The following DAB1 variants were observed in gnomAD, a reference collection of about 807,000 sequenced individuals.
DAB1 encodes DAB adaptor protein 1, also known as disabled homolog 1.
Under a neutral mutation model 64.6 loss-of-function variants are expected in DAB1, and 15 were observed. The ratio of observed to expected loss-of-function variants is 0.23; its 90% CI spans 0.16 to 0.36. The LOEUF is 0.36. Among genes scored for constraint, DAB1 ranks in the 10% least tolerant of loss-of-function variants. DAB1 has a pLI of 1.00. For synonymous variants in DAB1, 235 were observed against 251.9 expected (o/e 0.93, Z 0.64); for missense variants, 596 against 706.7 (o/e 0.84, Z 1.78).
chr1:58,524,083 T>C (rs893760991), intron 2 of DAB1, among the ~76,000 whole-genome samples: 1 of 152,214 alleles, frequency 6.6e-6, no homozygotes, highest in African/African-American at 2.4e-5. Flanking sequence ...TTACCAGCTT[T>C]ATAGATAAGG....
At chr1:58,176,666 T>C (rs1456871512) in intron 4 of DAB1, among the ~76,000 whole-genome samples, 1 of 152,134 alleles carries the variant, frequency 6.6e-6, no homozygotes, top group Admixed American at 6.5e-5. Context: ...AGAACTCTCA[T>C]GGGCTAATCA....
At chr1:57,116,358 A>G (rs914107769) in intron 4 of DAB1, among the ~76,000 whole-genome samples, 2 of 148,622 alleles carry the variant, frequency 1.3e-5, no homozygotes, top group African/African-American at 5.0e-5. Context: ...GCTACTCAGC[A>G]GGCTGAGGCA....
At chr1:57,234,497 T>G (rs59481431) in intron 2 of DAB1, among the ~76,000 whole-genome samples, 2,289 of 152,326 alleles carry the variant, frequency 0.015, 61 homozygotes, top group African/African-American at 0.052. Context: ...TTTTAATTTT[T>G]TCCATAAAAT....
intron 7 of DAB1, among the ~76,000 whole-genome samples, chr1:57,552,576 A>G (rs763773360): frequency 2.2e-4 from 33 of 152,362 alleles, no homozygotes; most frequent in Non-Finnish European, 3.8e-4. Flanking sequence ...CAGGGATCGC[A>G]TCCTAGGCAC....
intron 4 of DAB1, among the ~76,000 whole-genome samples, chr1:57,098,112 T>C (rs1166977382): frequency 1.3e-5 from 2 of 152,178 alleles, no homozygotes; most frequent in African/African-American, 4.8e-5. Context: ...CTGTTGAGTG[T>C]GACTTCACAG....
At chr1:57,887,017 T>C (rs1184360423), upstream of DAB1, among the ~76,000 whole-genome samples, 1 of 152,054 alleles carries the variant, frequency 6.6e-6, no homozygotes, top group Non-Finnish European at 1.5e-5. Flanking sequence ...CTTCATTTTC[T>C]TTTTTTTATC....
At chr1:58,172,760 C>A (rs1656247299) in intron 4 of DAB1, among the ~76,000 whole-genome samples, 1 of 152,202 alleles carries the variant, frequency 6.6e-6, no homozygotes, top group African/African-American at 2.4e-5. Flanking sequence ...TGAAAGTAAG[C>A]CTCTTCCCCC....
At chr1:57,795,731 A>ATG in intron 6 of DAB1, among the ~76,000 whole-genome samples, 1 of 113,014 alleles carries the variant, frequency 8.8e-6, no homozygotes, top group Non-Finnish European at 1.8e-5. Context: ...ATATATATAT[A>ATG]TATCATACAC....
chr1:57,215,649 T>C (rs1165673618), intron 2 of DAB1, among the ~76,000 whole-genome samples: 3 of 152,360 alleles, frequency 2.0e-5, no homozygotes, highest in Admixed American at 6.5e-5. Context: ...CTATAACCTT[T>C]CTTAGAAGGT....
chr1:57,718,577 G>T (rs1647112833), intron 6 of DAB1, among the ~76,000 whole-genome samples: 1 of 152,130 alleles, frequency 6.6e-6, no homozygotes, highest in Admixed American at 6.6e-5. Flanking sequence ...CTTCTTGAAT[G>T]AAATGCAGGA....
intron 1 of DAB1, among the ~76,000 whole-genome samples, chr1:57,368,195 C>T (rs550053413): frequency 3.9e-5 from 6 of 152,186 alleles, no homozygotes; most frequent in Non-Finnish European, 8.8e-5. Flanking sequence ...AAGAGGGAAG[C>T]CGAAATGGGG....
At chr1:57,583,210 A>G (rs1645334398) in intron 7 of DAB1, among the ~76,000 whole-genome samples, 1 of 152,098 alleles carries the variant, frequency 6.6e-6, no homozygotes, top group African/African-American at 2.4e-5. Flanking sequence ...AAAGCATCCT[A>G]AAGCATACAT....
At chr1:57,331,959 TTTGC>T (rs1297345071) in intron 1 of DAB1, among the ~76,000 whole-genome samples, 3 of 152,254 alleles carry the variant, frequency 2.0e-5, no homozygotes, top group African/African-American at 7.2e-5. Flanking sequence ...GAGTTTTTTG[TTTGC>T]TTGTTTGTTT....
intron 3 of DAB1, among the ~76,000 whole-genome samples, chr1:58,420,890 A>C (rs1644765247): frequency 1.3e-5 from 2 of 152,204 alleles, no homozygotes; most frequent in Non-Finnish European, 2.9e-5. Context: ...GATTTGGAAC[A>C]ATAAACGCAG....
At position 58,376,697 on chromosome 1, in the gene DAB1, C is replaced by A. The variant is rs1200853977; in HGVS notation, n.258-33294G>T. 1.2e-3 allele frequency among the ~76,000 whole-genome samples: 159 copies of A among 130,286 alleles called. 1 individual carries two copies. Among genetic ancestry groups the A allele is most frequent in the Middle Eastern group, 4.1e-3 (1 of 246 alleles). 85.5% of individuals were successfully genotyped at this position (130,286 alleles called of 152,430 possible). Reference sequence around the variant, plus strand: ...AGTTCTGTAGATGTCTATTAGGTCCCCTTGGTGCAGAGCTGAGTTCAATTC... The same window carrying A: ...AGTTCTGTAGATGTCTATTAGGTCCACTTGGTGCAGAGCTGAGTTCAATTC... On this transcript the variant is annotated intron_variant and non_coding_transcript_variant, in intron 3 of 20. Coordinates refer to the DAB1 transcript ENST00000485760.
intron 1 of DAB1, among the ~76,000 whole-genome samples, chr1:58,540,804 A>T (rs988320497): frequency 4.7e-5 from 7 of 148,238 alleles, no homozygotes; most frequent in Non-Finnish European, 1.0e-4. Flanking sequence ...AGCGGGGAGG[A>T]GGTGTAGACA....
At chr1:57,621,387 G>C (rs1645857468) in intron 7 of DAB1, among the ~76,000 whole-genome samples, 1 of 151,492 alleles carries the variant, frequency 6.6e-6, no homozygotes, top group South Asian at 2.1e-4. Context: ...AGCTGGGATA[G>C]TGCGTGGGGG....
intron 5 of DAB1, among the ~76,000 whole-genome samples, chr1:58,020,328 A>G (rs1277601473): frequency 6.6e-6 from 1 of 152,234 alleles, no homozygotes; most frequent in East Asian, 1.9e-4. Flanking sequence ...GGCCACCAAT[A>G]CATTAAAATA....
intron 7 of DAB1, among the ~76,000 whole-genome samples, chr1:57,605,584 G>A (rs1645626718): frequency 6.6e-6 from 1 of 152,188 alleles, no homozygotes; most frequent in Non-Finnish European, 1.5e-5. Flanking sequence ...CCAAGTGCAA[G>A]TTCCACTTCT....
Sources: allele counts gnomAD v4.1 joint callset (sites outside exome capture counted in the v4.1 genomes callset), GRCh38; gene constraint gnomAD v4.1.1; transcripts MANE v1.5; gene names NCBI Gene and HGNC (gene_info 2026-07-23, HGNC 2026-07-21).